The following CHL1 variants were observed in gnomAD, a reference collection of about 807,000 sequenced individuals.
The protein encoded by CHL1 is neural cell adhesion molecule L1-like protein.
A neutral mutation model predicts 141.9 loss-of-function variants in CHL1; 96 were observed. That is an observed-to-expected ratio of 0.68 (90% CI 0.57 to 0.80). CHL1 has a LOEUF of 0.80. Ranked by LOEUF, CHL1 falls within the 30% of genes least tolerant of loss-of-function variation. CHL1 has a pLI of 0.00. For missense variants in CHL1, 1,820 were observed against 1,457.2 expected, an observed-to-expected ratio of 1.25 and a Z score of -4.05; for synonymous variants, 613 against 502.2, an observed-to-expected ratio of 1.22 and a Z score of -2.95.
intron 1 of CHL1, among the ~76,000 whole-genome samples, chr3:244,207 A>G (rs1371681242): frequency 6.6e-6 from 1 of 152,152 alleles, no homozygotes; most frequent in Non-Finnish European, 1.5e-5. Flanking sequence ...ATATCGTTTT[A>G]TTTTGAAAGA....
At chr3:316,788 A>C (rs994429514) in intron 2 of CHL1, among the ~76,000 whole-genome samples, 1 of 151,884 alleles carries the variant, frequency 6.6e-6, no homozygotes, top group African/African-American at 2.4e-5. Flanking sequence ...AGAAAGTAAA[A>C]ATTTTAAAAA....
chr3:237,677 T>G (rs140782151), intron 1 of CHL1, among the ~76,000 whole-genome samples: 1 of 152,352 alleles, frequency 6.6e-6, no homozygotes, highest in East Asian at 1.9e-4. Context: ...TTAATTGAAT[T>G]CGTTTAATCT....
At chr3:378,926 T>C (rs1422427308) in intron 16 of CHL1, among the ~76,000 whole-genome samples, 1 of 152,206 alleles carries the variant, frequency 6.6e-6, no homozygotes, top group Non-Finnish European at 1.5e-5. Context: ...GTGTGAGTTA[T>C]TCATTGATTT....
At chr3:257,182 A>G (rs1357560781) in intron 2 of CHL1, among the ~76,000 whole-genome samples, 1 of 152,190 alleles carries the variant, frequency 6.6e-6, no homozygotes, top group Non-Finnish European at 1.5e-5. Context: ...AAATGATCAT[A>G]CGTAATCTAA....
chr3:359,519 T>C (rs955934389), intron 11 of CHL1, among the ~76,000 whole-genome samples: 2 of 152,074 alleles, frequency 1.3e-5, no homozygotes, highest in Non-Finnish European at 2.9e-5. Flanking sequence ...GCTAGGCTGG[T>C]CTTGAACTCC....
At chr3:389,666 A>T (rs1374610625) in intron 20 of CHL1, among the ~76,000 whole-genome samples, 192 bp downstream of exon 20, 2 of 152,234 alleles carry the variant, frequency 1.3e-5, no homozygotes, top group African/African-American at 4.8e-5. Context: ...CGTATAGAGT[A>T]CCAAGGAAGT....
chr3:399,039 C>A lies in CHL1; in HGVS notation c.3276C>A (p.Asp1092Glu). The change falls in exon 26 of 28, where the codon GAC becomes GAA. Residue 1092 changes from aspartate to glutamate, a missense_variant. Physicochemically the swap from Asp to Glu is conservative, Grantham distance 45. Transcript: ENST00000256509. ...CAGAATATGCTGGTTTATATGATGACATCTCCACTCAAGGCTGGTTTATTG... is the reference window on the plus strand; with the variant it reads ...CAGAATATGCTGGTTTATATGATGAAATCTCCACTCAAGGCTGGTTTATTG... The part of the protein sequence containing the change: ...RGREYAGLYD[D>E]ISTQGWFIGL... 6.2e-7 allele frequency: 1 copy of A among 1,612,960 alleles called. No individual in the cohort carries two copies. The highest frequency in any genetic ancestry group is 8.5e-7 in the Non-Finnish European group (1 of 1,178,944).
intron 13 of CHL1, among the ~76,000 whole-genome samples, chr3:362,986 A>T (rs1704432498): frequency 6.6e-6 from 1 of 152,224 alleles, no homozygotes; most frequent in African/African-American, 2.4e-5. Flanking sequence ...TGACAAATAC[A>T]GCAGAAGCAC....
chr3:322,655 T>TATATATTTTATATATATATATAAA (rs1376587714), intron 3 of CHL1, among the ~76,000 whole-genome samples: 6 of 139,978 alleles, frequency 4.3e-5, no homozygotes, highest in African/African-American at 8.0e-5. Context: ...AATATATATA[T>TATATATTTTATATATATATATAAA]ATATATATAT....
In CHL1 at chr3:363,622, G is replaced by A. The variant is rs1364857797; in HGVS notation, c.1585+239G>A. On this transcript the variant is annotated intron_variant, in intron 14 of 27. Transcript: ENST00000256509. ...AGGCAGCCAGGTGTCTGTAGTGACA[G>A]ATGGCTGTCAATATTTAAAAATTAC... 5 of 358,020 alleles carry A rather than the reference G, an allele frequency of 1.4e-5. No individual in the cohort carries two copies. The Admixed American group carries it at 1.7e-4, about 12-fold the overall frequency. 22.2% of individuals were successfully genotyped at this position (358,020 alleles called of 1,614,324 possible).
rs114780150 is a variant in CHL1 at position 329,824 on chromosome 3, A to G, written c.385+1470A>G. Among the ~76,000 whole-genome samples the G allele has an allele frequency of 2.1e-3, 323 of 152,286 alleles. 2 individuals carry two copies. The highest frequency in any genetic ancestry group is 7.4e-3 in the African/African-American group (309 of 41,596). On this transcript the variant is annotated intron_variant, in intron 5 of 27. Transcript: ENST00000256509. ...TATGACCATATTAATGTCAGTCATAACAGACTTTATTTGTAAAAGCCTTCA... is the reference window on the plus strand; with the variant it reads ...TATGACCATATTAATGTCAGTCATAGCAGACTTTATTTGTAAAAGCCTTCA...
intron 2 of CHL1, among the ~76,000 whole-genome samples, chr3:300,955 A>G (rs1698673961): frequency 6.6e-6 from 1 of 152,166 alleles, no homozygotes; most frequent in Admixed American, 6.6e-5. Flanking sequence ...AGTTAAAAGA[A>G]CATGTAATTG....
At chr3:317,976 G>A (rs1328161516) in intron 2 of CHL1, among the ~76,000 whole-genome samples, 1 of 151,900 alleles carries the variant, frequency 6.6e-6, no homozygotes, top group Non-Finnish European at 1.5e-5. Flanking sequence ...AAAATATTCT[G>A]AAGCATACAT....
intron 11 of CHL1, among the ~76,000 whole-genome samples, chr3:358,945 C>T (rs941338009): frequency 6.8e-6 from 1 of 147,384 alleles, no homozygotes; most frequent in Admixed American, 6.8e-5. Flanking sequence ...TTTTCCTTCC[C>T]ACTGGATTTA....
intron 19 of CHL1, among the ~76,000 whole-genome samples, chr3:389,012 C>G (rs1282034851): frequency 6.7e-6 from 1 of 150,200 alleles, no homozygotes; most frequent in African/African-American, 2.4e-5. Flanking sequence ...GGACATAATC[C>G]AGGCATCTGA....
intron 5 of CHL1, among the ~76,000 whole-genome samples, chr3:339,977 G>A (rs542206503): frequency 7.2e-5 from 11 of 152,054 alleles, no homozygotes; most frequent in African/African-American, 4.8e-5. Flanking sequence ...CCCACCAAAA[G>A]TTGAAAGATA....
At chr3:330,309 C>G (rs1460757129) in intron 5 of CHL1, among the ~76,000 whole-genome samples, 1 of 151,934 alleles carries the variant, frequency 6.6e-6, no homozygotes, top group Non-Finnish European at 1.5e-5. Flanking sequence ...CTCTACATAA[C>G]AAAACATGTT....
intron 2 of CHL1, among the ~76,000 whole-genome samples, chr3:319,308 C>T (rs1420571039): frequency 6.6e-6 from 1 of 151,506 alleles, no homozygotes; most frequent in Non-Finnish European, 1.5e-5. Flanking sequence ...CATGTATACA[C>T]CAAGATTCAG....
chr3:284,809 T>A (rs1443471849), intron 2 of CHL1, among the ~76,000 whole-genome samples: 1 of 151,934 alleles, frequency 6.6e-6, no homozygotes, highest in Non-Finnish European at 1.5e-5. Context: ...TCTAAGGACA[T>A]TAATCAGACC....
Sources: allele counts gnomAD v4.1 joint callset (sites outside exome capture counted in the v4.1 genomes callset), GRCh38; gene constraint gnomAD v4.1.1; transcripts MANE v1.5; gene names NCBI Gene and HGNC (gene_info 2026-07-23, HGNC 2026-07-21).